ASAP2: variants seen among roughly 807,000 people sequenced by gnomAD.
ASAP2 encodes arf-GAP with SH3 domain, ANK repeat and PH domain-containing protein 2.
A neutral mutation model predicts 131.4 loss-of-function variants in ASAP2; 45 were observed. The ratio of observed to expected loss-of-function variants is 0.34; its 90% confidence interval spans 0.27 to 0.44. The LOEUF (loss-of-function observed/expected upper bound fraction) is 0.44, where lower values mean the gene tolerates loss of function less well. Ranked by LOEUF, ASAP2 falls within the 20% of genes least tolerant of loss-of-function variation. ASAP2 has a pLI of 1.00. For synonymous variants in ASAP2, 510 were observed against 503.0 expected, an observed-to-expected ratio of 1.01 and a Z score of -0.19; for missense variants, 1,011 against 1,297.0, an observed-to-expected ratio of 0.78 and a Z score of 3.39.
chr2:9,359,329 T>TG (rs1672937285), intron 15 of ASAP2, among the ~76,000 whole-genome samples: 4 of 152,204 alleles, frequency 2.6e-5, no homozygotes, highest in Admixed American at 2.0e-4. Context: ...TTGTCCCCCA[T>TG]GGGGGGAGAT....
intron 6 of ASAP2, among the ~76,000 whole-genome samples, chr2:9,324,209 T>C (rs1670341075): frequency 1.3e-5 from 2 of 152,264 alleles, no homozygotes; most frequent in Non-Finnish European, 2.9e-5. Context: ...TTGTTAATTG[T>C]AGCAGGAGCT....
At chr2:9,272,180 T>C (rs1269442901) in intron 1 of ASAP2, among the ~76,000 whole-genome samples, 1 of 152,214 alleles carries the variant, frequency 6.6e-6, no homozygotes, top group Non-Finnish European at 1.5e-5. Flanking sequence ...CCACCAATAG[T>C]GTACAGGGGT....
At chr2:9,314,065 C>A (rs1275177578) in intron 3 of ASAP2, among the ~76,000 whole-genome samples, 1 of 152,162 alleles carries the variant, frequency 6.6e-6, no homozygotes, top group Non-Finnish European at 1.5e-5. Flanking sequence ...CTCACTGCAA[C>A]CTCCGCCTCC....
intron 22 of ASAP2, among the ~76,000 whole-genome samples, chr2:9,390,369 G>C (rs1354697043): frequency 2.6e-5 from 4 of 152,220 alleles, no homozygotes; most frequent in African/African-American, 9.6e-5. Context: ...CCATTTCTAG[G>C]CCTAGCCTTT....
chr2:9,405,020 C>G lies in ASAP2; in HGVS notation c.*1693C>G, dbSNP rs537772217. 1.3e-5 allele frequency: 2 copies of G among 152,552 alleles called. No homozygotes were observed. The highest frequency in any genetic ancestry group is 2.9e-5 in the Non-Finnish European group (2 of 68,004). The allele number at this position is 152,552 out of a possible 1,614,324, so 9.4% of individuals were successfully genotyped here. A position where few individuals can be genotyped will look rare whatever the true frequency, so the allele number is the denominator to read the frequency against. On this transcript the variant is annotated 3_prime_UTR_variant, in exon 28 of 28. Transcript: ENST00000281419. ...ACTTATGTCTATTTTAACAATCCTC[C>G]TGCATCTGTATTTTATAGTCAGCCT...
At chr2:9,212,890 G>C (rs1661694136) in intron 1 of ASAP2, among the ~76,000 whole-genome samples, 1 of 152,224 alleles carries the variant, frequency 6.6e-6, no homozygotes, top group South Asian at 2.1e-4. Flanking sequence ...AGCTTGCGAA[G>C]CACTGTTCGA....
Position 9,392,823 on chromosome 2 carries a change from G to T in ASAP2, c.2519-659G>T, listed in dbSNP as rs1389997608. Among the ~76,000 whole-genome samples the T allele has an allele frequency of 6.6e-6, 1 of 152,066 alleles. No individual in the cohort carries two copies. Among genetic ancestry groups the T allele is most frequent in the Non-Finnish European group, 1.5e-5 (1 of 68,014 alleles). Reference sequence around the variant, plus strand: ...TATGATAAGCCCGACATTTAGAGAGGGCTTAATGCCTATCAAGGGAGGAGA... The same window carrying T: ...TATGATAAGCCCGACATTTAGAGAGTGCTTAATGCCTATCAAGGGAGGAGA... On this transcript the variant is annotated intron_variant, in intron 23 of 27. Coordinates refer to ENST00000281419, the MANE Select transcript of ASAP2 (RefSeq NM_003887.3). This position sits in a 1 kb window ranked among gnomAD's most constrained non-coding sequence, Gnocchi z 4.0.
chr2:9,240,770 G>A (rs1663906239), intron 1 of ASAP2, among the ~76,000 whole-genome samples: 1 of 152,168 alleles, frequency 6.6e-6, no homozygotes. Context: ...TAAAGGAAGT[G>A]CTGTATGATT....
chr2:9,354,145 G>A (rs1032770426), intron 12 of ASAP2, among the ~76,000 whole-genome samples: 1 of 152,222 alleles, frequency 6.6e-6, no homozygotes, highest in South Asian at 2.1e-4. Flanking sequence ...CACCCTGGGA[G>A]GGATGGAAGG....
chr2:9,342,339 G>A (rs1190974330), intron 9 of ASAP2, among the ~76,000 whole-genome samples: 2 of 152,232 alleles, frequency 1.3e-5, no homozygotes, highest in African/African-American at 4.8e-5. Flanking sequence ...AAATAGAGCT[G>A]AGAGTCCAGA....
chr2:9,341,377 A>G (rs1392236448), intron 9 of ASAP2, among the ~76,000 whole-genome samples: 3 of 152,220 alleles, frequency 2.0e-5, no homozygotes, highest in Admixed American at 6.5e-5. Context: ...GTGAAGTTTA[A>G]TAGGCCAGCT....
At chr2:9,338,454 C>T (rs951535823) in intron 9 of ASAP2, among the ~76,000 whole-genome samples, 2 of 152,136 alleles carry the variant, frequency 1.3e-5, no homozygotes, top group Non-Finnish European at 2.9e-5. Context: ...CCACCACAGC[C>T]ATAATTTTCT....
chr2:9,250,612 C>T (rs1391895783), intron 1 of ASAP2, among the ~76,000 whole-genome samples: 2 of 152,246 alleles, frequency 1.3e-5, no homozygotes, highest in South Asian at 2.1e-4. Context: ...TCATTTAAGC[C>T]GAGGCCACAA....
At position 9,367,027 on chromosome 2, in the gene ASAP2, A is replaced by ATTTTTTTTTTTTTTT. The variant is rs1171661319; in HGVS notation, c.1462-1394_1462-1380dup. 1.2e-3 allele frequency among the ~76,000 whole-genome samples: 164 copies of ATTTTTTTTTTTTTTT among 132,914 alleles called. 8 individuals carry two copies. The highest frequency in any genetic ancestry group is 4.8e-3 in the African/African-American group (154 of 32,310). 87.2% of individuals were successfully genotyped at this position (132,914 alleles called of 152,430 possible). ...GTTTGTTAACTCCTTTGCCTGCATA[A>ATTTTTTTTTTTTTTT]TTTTTTTTTTTTTTTTTTGTAGAGA... is the stretch of plus-strand genomic sequence containing the variant. On this transcript the variant is annotated intron_variant, in intron 15 of 27. Transcript: ENST00000281419.
intron 1 of ASAP2, among the ~76,000 whole-genome samples, chr2:9,254,763 A>G (rs1665043859): frequency 6.6e-6 from 1 of 151,746 alleles, no homozygotes. Flanking sequence ...TCAGGCATCC[A>G]CTGGGAGTCT....
At chr2:9,356,913 G>T (rs1160109129) in intron 14 of ASAP2, among the ~76,000 whole-genome samples, 1 of 152,158 alleles carries the variant, frequency 6.6e-6, no homozygotes, top group African/African-American at 2.4e-5. Context: ...CTTTATAGTA[G>T]GATGTGATTT....
intron 2 of ASAP2, among the ~76,000 whole-genome samples, chr2:9,289,618 C>G (rs563610346): frequency 1.3e-5 from 2 of 152,256 alleles, no homozygotes; most frequent in African/African-American, 4.8e-5. Flanking sequence ...CTCCTACAAG[C>G]AGTAGGAGCT....
chr2:9,227,526 A>G lies in ASAP2; in HGVS notation c.126+20296A>G, dbSNP rs538360851. 7.2e-5 allele frequency among the ~76,000 whole-genome samples: 11 copies of G among 152,232 alleles called. No homozygotes were observed. The South Asian group carries it at 2.3e-3, about 32-fold the overall frequency. On this transcript the variant is annotated intron_variant, in intron 1 of 27. Transcript: ENST00000281419. Reference sequence around the variant, plus strand: ...TTATACTTGGCTATTTTCAAACGCTATTCGGGTGGGACAGGGCTCATGCAC... The same window carrying G: ...TTATACTTGGCTATTTTCAAACGCTGTTCGGGTGGGACAGGGCTCATGCAC...
chr2:9,207,241 C>T lies in ASAP2; in HGVS notation c.126+11C>T, dbSNP rs1305241654. On this transcript the variant is annotated intron_variant, in intron 1 of 27. Coordinates refer to ENST00000281419, the MANE Select transcript of ASAP2 (RefSeq NM_003887.3). The surrounding 1 kb of genome is among the most constrained non-coding windows in gnomAD (Gnocchi z 4.1). The stretch of plus-strand genomic sequence containing the variant: ...GCGGCCATCGAGGAGGTGAGGCGGC[C>T]TGCGCGGCGGCTCCGGCCGCAGGTA... 4 of 1,562,462 alleles carry T rather than the reference C, an allele frequency of 2.6e-6. No homozygotes were observed. Among genetic ancestry groups the T allele is most frequent in the Non-Finnish European group, 3.5e-6 (4 of 1,157,916 alleles).
Sources: allele counts gnomAD v4.1 joint callset (sites outside exome capture counted in the v4.1 genomes callset), GRCh38; gene constraint gnomAD v4.1.1; non-coding constraint Gnocchi (gnomAD v3.1); transcripts MANE v1.5; gene names NCBI Gene and HGNC (gene_info 2026-07-23, HGNC 2026-07-21).